The following BBS9 variants were observed in gnomAD, a reference collection of about 807,000 sequenced individuals.
BBS9 encodes the protein protein PTHB1.
In BBS9, 89 loss-of-function variants were observed where a neutral mutation model predicts 117.7. The observed-to-expected ratio is 0.76, with a 90% CI of 0.64 to 0.90. The LOEUF (loss-of-function observed/expected upper bound fraction) is 0.90. BBS9 is among the 40% of genes least tolerant of loss of function. BBS9 has a pLI of 0.00. For missense variants in BBS9, 982 were observed against 1,042.2 expected, an observed-to-expected ratio of 0.94 and a Z score of 0.80; for synonymous variants, 379 against 370.9, an observed-to-expected ratio of 1.02 and a Z score of -0.25.
At chr7:33,562,061 A>C (rs1188631855) in intron 21 of BBS9, among the ~76,000 whole-genome samples, 2 of 152,242 alleles carry the variant, frequency 1.3e-5, no homozygotes, top group East Asian at 1.9e-4. Context: ...ATTTCAAAGT[A>C]ACTTCAATTT....
At chr7:33,626,905 T>G (rs1033406913) in intron 21 of BBS9, among the ~76,000 whole-genome samples, 2 of 152,080 alleles carry the variant, frequency 1.3e-5, no homozygotes, top group Non-Finnish European at 2.9e-5. Flanking sequence ...GTTTGGAAAA[T>G]TTGCAGCCTG....
At chr7:33,321,235 A>G (rs1365792268) in intron 9 of BBS9, among the ~76,000 whole-genome samples, 5 of 152,002 alleles carry the variant, frequency 3.3e-5, no homozygotes, top group Admixed American at 3.3e-4. Flanking sequence ...TTGTGCTTCC[A>G]TATAAATCAC....
At position 33,426,390 on chromosome 7, in the gene BBS9, G is replaced by A. The variant is rs569460982; in HGVS notation, c.2115+38246G>A. Among the ~76,000 whole-genome samples, 512 of 152,224 alleles carry A rather than the reference G, an allele frequency of 3.4e-3. 3 individuals are homozygous for A. Among genetic ancestry groups the A allele is most frequent in the Non-Finnish European group, 5.8e-3 (394 of 68,026 alleles). On this transcript the variant is annotated intron_variant, in intron 19 of 22. Coordinates refer to ENST00000242067, the MANE Select transcript of BBS9 (RefSeq NM_198428.3). The stretch of plus-strand genomic sequence containing the variant: ...CCTTCAATAACTTAATGCTTTTAAA[G>A]AGCATTTCTTTATGTAAACACTTCC...
At chr7:33,244,060 C>G (rs1306068198) in intron 5 of BBS9, among the ~76,000 whole-genome samples, 4 of 152,034 alleles carry the variant, frequency 2.6e-5, no homozygotes, top group Non-Finnish European at 5.9e-5. Context: ...GAAACCCTGT[C>G]TCTAATAAAA....
intron 9 of BBS9, among the ~76,000 whole-genome samples, chr7:33,322,676 CA>C (rs1476286719): frequency 6.6e-6 from 1 of 151,814 alleles, no homozygotes; most frequent in Non-Finnish European, 1.5e-5. Context: ...TTTATCATCT[CA>C]AAAAATAACC....
intron 21 of BBS9, among the ~76,000 whole-genome samples, chr7:33,594,484 C>T (rs141415964): frequency 3.6e-4 from 55 of 152,140 alleles, no homozygotes; most frequent in African/African-American, 5.8e-4. Context: ...TTACAAGGAA[C>T]GTAGAAAACT....
chr7:33,222,364 G>A (rs563861431), intron 5 of BBS9, among the ~76,000 whole-genome samples: 1 of 152,270 alleles, frequency 6.6e-6, no homozygotes, highest in East Asian at 1.9e-4. Context: ...TATCCTGTGA[G>A]CAAAAGGGTA....
chr7:33,500,834 C>G (rs1845347784), intron 19 of BBS9, among the ~76,000 whole-genome samples: 1 of 152,206 alleles, frequency 6.6e-6, no homozygotes, highest in Non-Finnish European at 1.5e-5. Flanking sequence ...TAATTTCACA[C>G]TCACTTTATG....
rs1386323809 is a variant in BBS9 at position 33,387,163 on chromosome 7, A to G, written c.1963-829A>G. Among the ~76,000 whole-genome samples the G allele has an allele frequency of 4.6e-5, 7 of 152,314 alleles. No homozygotes were observed. The East Asian group carries it at 7.7e-4, about 17-fold the overall frequency. On this transcript the variant is annotated intron_variant, in intron 18 of 22. Coordinates refer to ENST00000242067, the MANE Select transcript of BBS9 (RefSeq NM_198428.3). ...TTAATAATGTCTTACTATGATAACA[A>G]TAGATCAAACAATTTTGTAATGGGT...
At chr7:33,602,273 G>A (rs904022699) in intron 21 of BBS9, among the ~76,000 whole-genome samples, 2 of 152,184 alleles carry the variant, frequency 1.3e-5, no homozygotes, top group African/African-American at 4.8e-5. Context: ...GTTGGTGGGA[G>A]CAGAGGGGGA....
intron 9 of BBS9, among the ~76,000 whole-genome samples, chr7:33,330,804 C>G (rs1411103794): frequency 2.0e-5 from 3 of 152,148 alleles, no homozygotes; most frequent in Non-Finnish European, 4.4e-5. Flanking sequence ...ATTCTAGTGA[C>G]TTAGCTCAGT....
At chr7:33,552,867 A>T (rs1585229157) in intron 21 of BBS9, among the ~76,000 whole-genome samples, 1 of 152,120 alleles carries the variant, frequency 6.6e-6, no homozygotes, top group African/African-American at 2.4e-5. Flanking sequence ...TTAAACTTAG[A>T]CTTGTTACCG....
chr7:33,533,108 C>T (rs2129058171), intron 20 of BBS9, among the ~76,000 whole-genome samples: 1 of 152,272 alleles, frequency 6.6e-6, no homozygotes, highest in African/African-American at 2.4e-5. Flanking sequence ...TAAACTGACC[C>T]CTCCTGCTCT....
At chr7:33,135,184 G>A (rs966544084) in intron 1 of BBS9, among the ~76,000 whole-genome samples, 7 of 152,170 alleles carry the variant, frequency 4.6e-5, no homozygotes, top group African/African-American at 1.7e-4. Context: ...TAGCCACCAT[G>A]CCTTGCCCTT....
At chr7:33,234,161 A>C (rs1414660662) in intron 5 of BBS9, among the ~76,000 whole-genome samples, 1 of 152,022 alleles carries the variant, frequency 6.6e-6, no homozygotes, top group East Asian at 1.9e-4. Flanking sequence ...AATGGCCCCA[A>C]AGTGCAAGAT....
chr7:33,337,251 A>C (rs372949021), intron 10 of BBS9, among the ~76,000 whole-genome samples: 6 of 152,280 alleles, frequency 3.9e-5, no homozygotes, highest in African/African-American at 4.8e-5. Context: ...AAGGAGAAAC[A>C]AAACACCAAT....
intron 9 of BBS9, among the ~76,000 whole-genome samples, chr7:33,274,295 T>A (rs1800335431): frequency 6.6e-6 from 1 of 152,174 alleles, no homozygotes; most frequent in Non-Finnish European, 1.5e-5. Flanking sequence ...TTAGAGAACA[T>A]TTATTGATAG....
intron 21 of BBS9, among the ~76,000 whole-genome samples, chr7:33,582,988 A>G (rs1860249562): frequency 6.6e-6 from 1 of 152,022 alleles, no homozygotes; most frequent in Non-Finnish European, 1.5e-5. Flanking sequence ...TTTCTCCTGT[A>G]TTTTGCATTA....
chr7:33,542,699 ATGTGTGTG>A (rs200416682), intron 21 of BBS9, among the ~76,000 whole-genome samples: 64,912 of 145,872 alleles, frequency 0.44, 14,928 homozygotes, highest in South Asian at 0.57. Flanking sequence ...CATTATATAT[ATGTGTGTG>A]TGTGTGTGTG....
Sources: gnomAD v4.1 joint callset for allele counts (sites outside exome capture counted in the v4.1 genomes callset) on GRCh38, gnomAD v4.1.1 for gene constraint, MANE v1.5 for transcripts, NCBI Gene and HGNC (gene_info 2026-07-23, HGNC 2026-07-21) for gene names.